The following DIS3L2 variants were observed in gnomAD, a reference collection of about 807,000 sequenced individuals.
The protein encoded by DIS3L2 is DIS3 like 3'-5' exoribonuclease 2.
Under a neutral mutation model 97.5 loss-of-function variants are expected in DIS3L2, and 34 were observed. The observed-to-expected ratio is 0.35, with a 90% CI of 0.27 to 0.46. The LOEUF (loss-of-function observed/expected upper bound fraction) is 0.46, where lower values mean the gene tolerates loss of function less well. Among genes scored for constraint, DIS3L2 ranks in the 20% least tolerant of loss-of-function variants. DIS3L2 has a pLI of 1.00. For synonymous variants in DIS3L2, 435 were observed against 445.2 expected, an observed-to-expected ratio of 0.98 and a Z score of 0.29; for missense variants, 1,038 against 1,146.0, an observed-to-expected ratio of 0.91 and a Z score of 1.36.
intron 13 of DIS3L2, among the ~76,000 whole-genome samples, chr2:232,284,008 A>G (rs550001894): frequency 6.6e-6 from 1 of 152,102 alleles, no homozygotes; most frequent in Non-Finnish European, 1.5e-5. Flanking sequence ...GAACCTTTCT[A>G]TACTACCTTT....
chr2:232,129,363 G>GT (rs1013499739), intron 6 of DIS3L2, among the ~76,000 whole-genome samples: 2 of 151,878 alleles, frequency 1.3e-5, no homozygotes, highest in Non-Finnish European at 2.9e-5. Context: ...AACTTGTGTG[G>GT]TTTTTTTTCT....
At chr2:232,131,411 C>T (rs1484379100) in intron 7 of DIS3L2, 1 of 152,314 alleles carries the variant, frequency 6.6e-6, no homozygotes, top group Non-Finnish European at 1.5e-5. Context: ...TCTGCCTCAG[C>T]CTCCTGAGTA....
chr2:232,083,068 A>C (rs1210063267), intron 5 of DIS3L2, among the ~76,000 whole-genome samples: 3 of 151,136 alleles, frequency 2.0e-5, no homozygotes, highest in Admixed American at 6.6e-5. Context: ...GGAAAGACCC[A>C]CCCCCCCATG....
chr2:232,064,555 C>A (rs1483924483), intron 5 of DIS3L2, among the ~76,000 whole-genome samples: 1 of 152,092 alleles, frequency 6.6e-6, no homozygotes, highest in African/African-American at 2.4e-5. Flanking sequence ...TAAGTAGGTA[C>A]CTGGATGTGG....
At chr2:232,235,195 C>A (rs1692899721) in intron 10 of DIS3L2, among the ~76,000 whole-genome samples, 1 of 152,206 alleles carries the variant, frequency 6.6e-6, no homozygotes, top group African/African-American at 2.4e-5. Flanking sequence ...AACACACAGG[C>A]TCACCTACTC....
intron 9 of DIS3L2, among the ~76,000 whole-genome samples, chr2:232,191,821 C>T (rs551726619): frequency 1.3e-5 from 2 of 152,300 alleles, no homozygotes; most frequent in Admixed American, 6.5e-5. Context: ...ACAAGCATAA[C>T]AGTACTTTAA....
At chr2:232,065,010 T>A (rs1326063810) in intron 5 of DIS3L2, among the ~76,000 whole-genome samples, 2 of 152,134 alleles carry the variant, frequency 1.3e-5, no homozygotes, top group Non-Finnish European at 2.9e-5. Flanking sequence ...TTTATCAAAA[T>A]TTTTAATGAG....
chr2:232,217,213 G>A (rs1395346932), intron 10 of DIS3L2, among the ~76,000 whole-genome samples: 2 of 152,240 alleles, frequency 1.3e-5, no homozygotes, highest in East Asian at 3.9e-4. Context: ...GATCACACCT[G>A]GCCATACCTG....
intron 5 of DIS3L2, among the ~76,000 whole-genome samples, chr2:232,051,237 A>G (rs1460322566): frequency 6.6e-6 from 1 of 152,292 alleles, no homozygotes; most frequent in East Asian, 1.9e-4. Context: ...AGTTTTTGAT[A>G]AGGATTAATG....
intron 1 of DIS3L2, among the ~76,000 whole-genome samples, chr2:231,983,893 A>G (rs1693332446): frequency 2.6e-5 from 4 of 151,916 alleles, no homozygotes; most frequent in Admixed American, 2.0e-4. Flanking sequence ...ATCTTAAAAA[A>G]AAAAAAAAAA....
chr2:232,334,774 C>T lies in DIS3L2; in HGVS notation c.2394+39C>T, dbSNP rs149870557. 0.073 allele frequency: 112,106 copies of T among 1,541,802 alleles called. 4,614 individuals are homozygous for T. The highest frequency in any genetic ancestry group is 0.084 in the Non-Finnish European group (95,580 of 1,139,052). Reference sequence around the variant, plus strand: ...GAGAGCCCGGGGGCGGGCAGGGCAGCCCAAGCCATCCCGCACTGGAGGGGC... The same window carrying T: ...GAGAGCCCGGGGGCGGGCAGGGCAGTCCAAGCCATCCCGCACTGGAGGGGC... On this transcript the variant is annotated intron_variant, in intron 19 of 20. Coordinates refer to ENST00000325385, the MANE Select transcript of DIS3L2 (RefSeq NM_152383.5).
intron 9 of DIS3L2, among the ~76,000 whole-genome samples, chr2:232,208,087 T>C (rs1323905967): frequency 6.6e-6 from 1 of 152,210 alleles, no homozygotes; most frequent in Non-Finnish European, 1.5e-5. Context: ...TTTAAAAAAA[T>C]AGTAAACATT....
chr2:232,000,463 A>G (rs1693845722), intron 1 of DIS3L2, among the ~76,000 whole-genome samples: 1 of 151,836 alleles, frequency 6.6e-6, no homozygotes, highest in Non-Finnish European at 1.5e-5. Context: ...CTCTGTTCCT[A>G]TCTGTTCAAC....
rs566249662 is a variant in DIS3L2 at position 232,329,637 on chromosome 2, G to T, written c.1740-176G>T. The T allele has an allele frequency of 5.6e-4, 336 of 601,982 alleles. 1 individual carries two copies. The highest frequency in any genetic ancestry group is 8.1e-4 in the Non-Finnish European group (297 of 365,428). The allele number at this position is 601,982 out of a possible 1,614,324, so 37.3% of individuals were successfully genotyped here. ...CAACTGGTGCAGGGAGACCATGGGG[G>T]TGCTGGGCAAGACAGGGACTTGGCG... On this transcript the variant is annotated intron_variant, in intron 14 of 20. Coordinates refer to ENST00000325385, the MANE Select transcript of DIS3L2 (RefSeq NM_152383.5).
intron 5 of DIS3L2, among the ~76,000 whole-genome samples, chr2:232,045,784 C>T (rs915408498): frequency 2.0e-5 from 3 of 151,182 alleles, no homozygotes; most frequent in African/African-American, 7.3e-5. Context: ...AAGCAATTCC[C>T]TTGCCTCAGC....
rs57028114 is a variant in DIS3L2, at chr2:232,119,400, C to T, written c.602-11219C>T. 1.1e-4 allele frequency among the ~76,000 whole-genome samples: 16 copies of T among 152,206 alleles called. No homozygotes were observed. The East Asian group carries it at 2.5e-3, about 24-fold the overall frequency. On this transcript the variant is annotated intron_variant, in intron 6 of 20. Coordinates refer to ENST00000325385, the MANE Select transcript of DIS3L2 (RefSeq NM_152383.5). The stretch of plus-strand genomic sequence containing the variant: ...TTGACATGATCACATCACAGGAAGA[C>T]GTGAAGCTTGGCCTCTTTCAGAAAA...
intron 1 of DIS3L2, among the ~76,000 whole-genome samples, chr2:231,976,272 T>G (rs1026987170): frequency 6.6e-6 from 1 of 152,128 alleles, no homozygotes; most frequent in Non-Finnish European, 1.5e-5. Context: ...TTTAATTCCC[T>G]AATACAGATC....
chr2:231,978,791 A>G (rs1267203017), intron 1 of DIS3L2: 2 of 152,232 alleles, frequency 1.3e-5, no homozygotes, highest in Non-Finnish European at 2.9e-5. Flanking sequence ...TGTGTATAAG[A>G]ATCACCAGGG....
chr2:232,200,085 T>C (rs1434949370), intron 9 of DIS3L2, among the ~76,000 whole-genome samples: 1 of 152,192 alleles, frequency 6.6e-6, no homozygotes, highest in East Asian at 1.9e-4. Flanking sequence ...GGTGTTGGCA[T>C]TGTAATTCTG....
Sources: gnomAD v4.1 joint callset for allele counts (sites outside exome capture counted in the v4.1 genomes callset) on GRCh38, gnomAD v4.1.1 for gene constraint, MANE v1.5 for transcripts, NCBI Gene and HGNC (gene_info 2026-07-23, HGNC 2026-07-21) for gene names.